Variants in C12orf42 observed in about 807,000 individuals in gnomAD.
C12orf42 encodes chromosome 12 open reading frame 42.
In C12orf42, 25 loss-of-function variants were observed where a neutral mutation model predicts 21.6. The observed-to-expected ratio is 1.16, with a 90% CI of 0.84 to 1.62. C12orf42 has a LOEUF of 1.62. Among genes scored for constraint, C12orf42 ranks in the 40% most tolerant of loss-of-function variants. The pLI is 0.00. For synonymous variants in C12orf42, 174 were observed against 175.0 expected, an observed-to-expected ratio of 0.99 and a Z score of 0.05; for missense variants, 483 against 459.3, an observed-to-expected ratio of 1.05 and a Z score of -0.47.
chr12:103,223,448 A>G, the C12orf42 span, among the ~76,000 whole-genome samples: 1 of 152,186 alleles, frequency 6.6e-6, no homozygotes, highest in Non-Finnish European at 1.5e-5. Flanking sequence ...AAGGTCCAAG[A>G]ATTGGGACGA....
chr12:103,431,493 C>A (rs543930427), intron 2 of C12orf42, among the ~76,000 whole-genome samples: 12 of 152,292 alleles, frequency 7.9e-5, no homozygotes, highest in Admixed American at 2.0e-4. Context: ...CCTGCACTTA[C>A]TTGTTATGGC....
intron 4 of C12orf42, among the ~76,000 whole-genome samples, chr12:103,290,905 G>C (rs987428860): frequency 2.6e-5 from 4 of 152,064 alleles, no homozygotes; most frequent in African/African-American, 9.7e-5. Context: ...GGTGAGGGAT[G>C]AAATACTATC....
chr12:103,509,467 C>T, the C12orf42 span, among the ~76,000 whole-genome samples: 1 of 152,112 alleles, frequency 6.6e-6, no homozygotes, highest in Non-Finnish European at 1.5e-5. Context: ...CCAAAAAAAG[C>T]TTCCTCGGGT....
intron 3 of C12orf42, among the ~76,000 whole-genome samples, chr12:103,385,300 T>A (rs914058265): frequency 6.6e-6 from 1 of 152,220 alleles, no homozygotes; most frequent in African/African-American, 2.4e-5. Flanking sequence ...TACCATTGTG[T>A]GGGGTTTTAT....
Position 103,447,896 on chromosome 12 carries a change from T to A in C12orf42, c.78+30453A>T, listed in dbSNP as rs955578542. On this transcript the variant is annotated intron_variant, in intron 2 of 5. Transcript: ENST00000548883. ...AAAGCAATCACAAATTCAATGCAAT[T>A]CCCATCAAAATACTACCATCATTCT... Among the ~76,000 whole-genome samples, 13 of 151,780 alleles carry A rather than the reference T, an allele frequency of 8.6e-5. 1 individual carries two copies. Among genetic ancestry groups the A allele is most frequent in the Admixed American group, 2.6e-4 (4 of 15,228 alleles).
chr12:103,092,906 A>G, the C12orf42 span, among the ~76,000 whole-genome samples: 1 of 152,058 alleles, frequency 6.6e-6, no homozygotes, highest in Non-Finnish European at 1.5e-5. Context: ...ATGCGCCACC[A>G]TCCTGGGTCT....
At chr12:103,555,711 T>G in the C12orf42 span, among the ~76,000 whole-genome samples, 225 of 152,224 alleles carry the variant, frequency 1.5e-3, no homozygotes, top group African/African-American at 5.1e-3. Flanking sequence ...AGTGTTTGTA[T>G]GCACATGGAG....
the C12orf42 span, chr12:103,559,278 T>C: frequency 1.2e-4 from 14 of 118,726 alleles, no homozygotes; most frequent in African/African-American, 3.4e-4. Flanking sequence ...CAGGGGAGAT[T>C]CCTAGTTGGT....
At chr12:103,505,122 A>G in the C12orf42 span, among the ~76,000 whole-genome samples, 2 of 152,206 alleles carry the variant, frequency 1.3e-5, no homozygotes, top group Admixed American at 6.5e-5. Flanking sequence ...CTTAAAAAGA[A>G]GATGGAATTC....
intron 4 of C12orf42, among the ~76,000 whole-genome samples, chr12:103,310,368 A>G (rs867974150): frequency 1.3e-5 from 2 of 152,090 alleles, no homozygotes; most frequent in Admixed American, 6.5e-5. Flanking sequence ...TTTGTAAATG[A>G]CCCAGTCTCA....
At chr12:103,198,560 A>G in the C12orf42 span, among the ~76,000 whole-genome samples, 2 of 152,182 alleles carry the variant, frequency 1.3e-5, no homozygotes, top group Non-Finnish European at 2.9e-5. Flanking sequence ...CTCATGCCAA[A>G]CGATCTGGGC....
chr12:103,214,754 C>T, the C12orf42 span, among the ~76,000 whole-genome samples: 2,921 of 152,250 alleles, frequency 0.019, 35 homozygotes, highest in East Asian at 0.027. Flanking sequence ...TCCAACTTAG[C>T]GGGATGAGTC....
the C12orf42 span, among the ~76,000 whole-genome samples, chr12:103,122,797 T>C: frequency 1.3e-5 from 2 of 152,130 alleles, no homozygotes; most frequent in Non-Finnish European, 2.9e-5. Context: ...AGGGACTTTG[T>C]CTTTTTACTA....
chr12:103,391,414 AT>A (rs2047069495), intron 3 of C12orf42, among the ~76,000 whole-genome samples: 1 of 152,222 alleles, frequency 6.6e-6, no homozygotes, highest in East Asian at 1.9e-4. Flanking sequence ...ATTTCTGCAC[AT>A]TTTTGCCAAA....
At chr12:103,380,692 T>C (rs1320420013) in intron 3 of C12orf42, among the ~76,000 whole-genome samples, 1 of 152,222 alleles carries the variant, frequency 6.6e-6, no homozygotes, top group Non-Finnish European at 1.5e-5. Flanking sequence ...CTTAAGTATA[T>C]GTTTTATTTA....
chr12:103,448,750 T>C (rs184960861), intron 2 of C12orf42, among the ~76,000 whole-genome samples: 17 of 151,916 alleles, frequency 1.1e-4, no homozygotes, highest in Non-Finnish European at 2.5e-4. Flanking sequence ...ACCTCACTCC[T>C]GCATGAATGG....
At chr12:103,506,841 A>ATATATT in the C12orf42 span, among the ~76,000 whole-genome samples, 246 of 87,752 alleles carry the variant, frequency 2.8e-3, 18 homozygotes, top group East Asian at 7.6e-3. Context: ...TATATTATAT[A>ATATATT]TATATATATT....
chr12:103,388,351 T>C (rs2046796041), intron 3 of C12orf42, among the ~76,000 whole-genome samples: 1 of 152,170 alleles, frequency 6.6e-6, no homozygotes, highest in Admixed American at 6.5e-5. Flanking sequence ...CTCCTGGGCC[T>C]GGCTCCTATA....
At chr12:103,460,983 A>G (rs1195986355) in intron 2 of C12orf42, among the ~76,000 whole-genome samples, 1 of 152,128 alleles carries the variant, frequency 6.6e-6, no homozygotes, top group African/African-American at 2.4e-5. Context: ...AGTCTGTTGT[A>G]GATTTGTTGT....
Sources: allele counts gnomAD v4.1 joint callset (sites outside exome capture counted in the v4.1 genomes callset), GRCh38; gene constraint gnomAD v4.1.1; transcripts MANE v1.5; gene names NCBI Gene and HGNC (gene_info 2026-07-23, HGNC 2026-07-21).